Variants in MGAT4C observed in about 807,000 individuals in gnomAD.
The protein encoded by MGAT4C is alpha-1,3-mannosyl-glycoprotein 4-beta-N-acetylglucosaminyltransferase C.
Under a neutral mutation model 40.1 loss-of-function variants are expected in MGAT4C, and 19 were observed. The ratio of observed to expected loss-of-function variants is 0.47; its 90% CI spans 0.33 to 0.70. MGAT4C has a LOEUF of 0.70. Among genes scored for constraint, MGAT4C ranks in the 30% least tolerant of loss-of-function variants. The pLI is 0.02. For missense variants in MGAT4C, 491 were observed against 563.2 expected, an observed-to-expected ratio of 0.87 and a Z score of 1.30; for synonymous variants, 181 against 187.1, an observed-to-expected ratio of 0.97 and a Z score of 0.27.
At position 86,806,782 on chromosome 12, in the gene MGAT4C, C is replaced by T. The variant is rs553944873; in HGVS notation, c.-262+31884G>A. On this transcript the variant is annotated intron_variant, in intron 1 of 7. Transcript: ENST00000548651. Reference sequence around the variant, plus strand: ...AAAAAAACCAAACACCACATGTTCTCACTCATAGGTGGGAATTGAACAACG... The same window carrying T: ...AAAAAAACCAAACACCACATGTTCTTACTCATAGGTGGGAATTGAACAACG... 8.5e-5 allele frequency among the ~76,000 whole-genome samples: 13 copies of T among 152,082 alleles called. No homozygotes were observed. The East Asian group carries it at 2.5e-3, about 30-fold the overall frequency.
At chr12:86,472,438 G>A (rs1272479001) in intron 2 of MGAT4C, among the ~76,000 whole-genome samples, 1 of 152,056 alleles carries the variant, frequency 6.6e-6, no homozygotes, top group African/African-American at 2.4e-5. Flanking sequence ...TCTAACATCT[G>A]AGGTTTTGGT....
intron 3 of MGAT4C, among the ~76,000 whole-genome samples, chr12:86,352,359 A>G (rs1024366382): frequency 1.3e-5 from 2 of 152,118 alleles, no homozygotes; most frequent in Admixed American, 1.3e-4. Context: ...TGTAATATAC[A>G]TGGATCAAAA....
chr12:86,591,163 A>T (rs1327568796), intron 2 of MGAT4C, among the ~76,000 whole-genome samples: 2 of 152,026 alleles, frequency 1.3e-5, no homozygotes, highest in African/African-American at 2.4e-5. Context: ...ATTCAATTTA[A>T]TAATCATTTA....
At chr12:86,032,165 A>C (rs1890815446) in intron 2 of MGAT4C, among the ~76,000 whole-genome samples, 1 of 151,942 alleles carries the variant, frequency 6.6e-6, no homozygotes, top group Non-Finnish European at 1.5e-5. Context: ...GTATTCTACC[A>C]CTGATGGACA....
intron 1 of MGAT4C, among the ~76,000 whole-genome samples, chr12:86,242,622 CG>C: frequency 6.6e-6 from 1 of 151,852 alleles, no homozygotes; most frequent in East Asian, 1.9e-4. Flanking sequence ...TTTGATTGTC[CG>C]GGGAAGTACT....
At chr12:86,477,183 A>G (rs1428235763) in intron 2 of MGAT4C, among the ~76,000 whole-genome samples, 1 of 151,948 alleles carries the variant, frequency 6.6e-6, no homozygotes. Flanking sequence ...TGACTTTTGT[A>G]CATTGAAAAA....
intron 2 of MGAT4C, among the ~76,000 whole-genome samples, chr12:86,594,813 G>A (rs1178067209): frequency 6.6e-6 from 1 of 152,092 alleles, no homozygotes; most frequent in Non-Finnish European, 1.5e-5. Flanking sequence ...CAACAAAATT[G>A]GTTATTTGGT....
chr12:86,321,190 G>A (rs1954376854), intron 4 of MGAT4C, among the ~76,000 whole-genome samples: 1 of 151,938 alleles, frequency 6.6e-6, no homozygotes, highest in South Asian at 2.1e-4. Context: ...AAATCTATGT[G>A]TGAAAAATTA....
chr12:86,837,359 C>A (rs1050882640), intron 1 of MGAT4C, among the ~76,000 whole-genome samples: 42 of 152,242 alleles, frequency 2.8e-4, no homozygotes, highest in Middle Eastern at 3.4e-3. Context: ...AGAGAAAATG[C>A]ACTTAAAGTT....
chr12:86,647,588 T>C (rs553408330), intron 2 of MGAT4C, among the ~76,000 whole-genome samples: 3 of 151,930 alleles, frequency 2.0e-5, no homozygotes, highest in Non-Finnish European at 4.4e-5. Flanking sequence ...GAAATTCTTC[T>C]TGGGTTTTAT....
intron 1 of MGAT4C, among the ~76,000 whole-genome samples, chr12:86,810,040 A>C (rs1410558550): frequency 6.6e-6 from 1 of 152,008 alleles, no homozygotes; most frequent in Non-Finnish European, 1.5e-5. Context: ...GATTTTCTTC[A>C]TCAGCATTTT....
intron 1 of MGAT4C, among the ~76,000 whole-genome samples, chr12:86,091,630 G>T (rs1324493446): frequency 6.6e-6 from 1 of 152,066 alleles, no homozygotes; most frequent in Non-Finnish European, 1.5e-5. Context: ...CTGAGGGATT[G>T]AAAGTCATAG....
intron 1 of MGAT4C, among the ~76,000 whole-genome samples, chr12:86,739,133 C>CAAAAAAAAAAAAAAAAAAAAAAAAAAAA: frequency 2.5e-5 from 1 of 39,772 alleles, no homozygotes; most frequent in Non-Finnish European, 4.2e-5. Flanking sequence ...TTTCCCTGTG[C>CAAAAAAAAAAAAAAAAAAAAAAAAAAAA]AAAAAAAAAA....
intron 1 of MGAT4C, among the ~76,000 whole-genome samples, chr12:86,171,298 G>A (rs1886812633): frequency 6.6e-6 from 1 of 152,158 alleles, no homozygotes; most frequent in Non-Finnish European, 1.5e-5. Context: ...GAACCCAGGA[G>A]GCAGAGGTTG....
intron 3 of MGAT4C, among the ~76,000 whole-genome samples, chr12:86,352,857 G>T (rs183415882): frequency 0.019 from 2,886 of 149,810 alleles, 45 homozygotes; most frequent in Middle Eastern, 0.047. Flanking sequence ...TCACACTCCG[G>T]GGTCTGTTGT....
At chr12:86,468,191 A>C (rs1957708604) in intron 2 of MGAT4C, among the ~76,000 whole-genome samples, 1 of 152,142 alleles carries the variant, frequency 6.6e-6, no homozygotes, top group African/African-American at 2.4e-5. Context: ...AATAAAGGCT[A>C]CTACAAACAC....
At chr12:86,691,210 T>C (rs1004352272) in intron 2 of MGAT4C, among the ~76,000 whole-genome samples, 7 of 152,218 alleles carry the variant, frequency 4.6e-5, no homozygotes, top group African/African-American at 1.7e-4. Context: ...ACAACTAGAA[T>C]ATTTGATAAA....
chr12:86,512,305 T>C (rs7973543), intron 2 of MGAT4C, among the ~76,000 whole-genome samples: 113,171 of 152,062 alleles, frequency 0.74, 43,569 homozygotes, highest in South Asian at 0.85. Context: ...TGTACACTAT[T>C]GTTGGGAAAG....
chr12:86,707,528 C>CTTTTTT (rs755566527), intron 2 of MGAT4C, among the ~76,000 whole-genome samples: 3 of 132,834 alleles, frequency 2.3e-5, no homozygotes, highest in Non-Finnish European at 3.3e-5. Context: ...TTTTTCTTTT[C>CTTTTTT]TTTTTTTTTT....
Sources: allele counts gnomAD v4.1 joint callset (sites outside exome capture counted in the v4.1 genomes callset), GRCh38; gene constraint gnomAD v4.1.1; transcripts MANE v1.5; gene names NCBI Gene and HGNC (gene_info 2026-07-23, HGNC 2026-07-21).